GBP3: variants seen among roughly 807,000 people sequenced by gnomAD.
GBP3 encodes guanylate binding protein 3, also known as guanylate-binding protein 3.
Under a neutral mutation model 62.4 loss-of-function variants are expected in GBP3, and 55 were observed. The ratio of observed to expected loss-of-function variants is 0.88; its 90% CI spans 0.71 to 1.10. The LOEUF is 1.10. GBP3 is among the 50% of genes least tolerant of loss of function. The probability of loss-of-function intolerance (pLI) is 0.00; values close to 1 mark genes in which losing one functional copy is unlikely to be tolerated. For synonymous variants in GBP3, 208 were observed against 259.2 expected, an observed-to-expected ratio of 0.80 and a Z score of 1.90; for missense variants, 605 against 690.6, an observed-to-expected ratio of 0.88 and a Z score of 1.39.
chr1:89,014,394 A>C (rs748653620), intron 4 of GBP3, 115 bp from the exon 5 acceptor site: 2 of 1,594,704 alleles, frequency 1.3e-6, no homozygotes, highest in Non-Finnish European at 1.7e-6. Flanking sequence ...TGTCAATTCT[A>C]AAGTGGATAC....
Position 89,021,544 on chromosome 1 carries a change from A to ACACACACACACACACCCCC in GBP3, c.-22-802_-22-801insGGGGGTGTGTGTGTGTGTG, listed in dbSNP as rs761151308. On this transcript the variant is annotated intron_variant, in intron 1 of 10. Coordinates refer to ENST00000370481, the MANE Select transcript of GBP3 (RefSeq NM_018284.3). ...CACACACACACACACACACACACAC[A>ACACACACACACACACCCCC]CCCCAAAAAAACCAAACCAAACAAA... Among the ~76,000 whole-genome samples the ACACACACACACACACCCCC allele has an allele frequency of 2.1e-5, 3 of 141,052 alleles. No individual in the cohort carries two copies. In the East Asian group the frequency reaches 6.4e-4, roughly 30 times the overall value. 92.5% of individuals were successfully genotyped at this position (141,052 alleles called of 152,430 possible). A position where few individuals can be genotyped will look rare whatever the true frequency, so the allele number is the denominator to read the frequency against.
At chr1:89,008,474 A>C (rs1678361735) in intron 10 of GBP3, among the ~76,000 whole-genome samples, 1 of 147,326 alleles carries the variant, frequency 6.8e-6, no homozygotes, top group African/African-American at 2.5e-5. Flanking sequence ...TCTGCTCATA[A>C]AAGTTCTCTT....
chr1:89,007,294 A>T lies in GBP3; in HGVS notation c.*430T>A, dbSNP rs567752203. On this transcript the variant is annotated 3_prime_UTR_variant, in exon 11 of 11. Transcript: ENST00000370481. ...TCCATGGGCAATGTCCAGAAATCACATTATTGCTCATAGACCTTGTAGCCT... is the reference window on the plus strand; with the variant it reads ...TCCATGGGCAATGTCCAGAAATCACTTTATTGCTCATAGACCTTGTAGCCT... The T allele has an allele frequency of 6.5e-6, 1 of 153,784 alleles. No homozygotes were observed. Among genetic ancestry groups the T allele is most frequent in the Admixed American group, 6.5e-5 (1 of 15,468 alleles). 9.5% of individuals were successfully genotyped at this position (153,784 alleles called of 1,614,324 possible). A position where few individuals can be genotyped will look rare whatever the true frequency, so the allele number is the denominator to read the frequency against.
Position 89,011,281 on chromosome 1 carries a change from A to G in GBP3, c.1150-165T>C, listed in dbSNP as rs1463037749. Among the ~76,000 whole-genome samples the G allele has an allele frequency of 6.4e-5, 9 of 139,596 alleles. 1 individual carries two copies. In the Admixed American group the frequency reaches 6.6e-4, roughly 10 times the overall value. The allele number at this position is 139,596 out of a possible 152,430, so 91.6% of individuals were successfully genotyped here. A position where few individuals can be genotyped will look rare whatever the true frequency, so the allele number is the denominator to read the frequency against. The stretch of plus-strand genomic sequence containing the variant: ...TTACTCCTGACCCCACTTTCTACTG[A>G]AATCGCTTTCTCTTTAGAGGTGAGG... On this transcript the variant is annotated intron_variant, in intron 7 of 10. Coordinates refer to ENST00000370481, the MANE Select transcript of GBP3 (RefSeq NM_018284.3).
chr1:89,008,278 A>G (rs1370871974), intron 10 of GBP3, among the ~76,000 whole-genome samples: 1 of 151,620 alleles, frequency 6.6e-6, no homozygotes, highest in Admixed American at 6.6e-5. Context: ...TAGATCAGGA[A>G]ATTTGATCTA....
intron 6 of GBP3, 133 bp from the exon 7 acceptor site, chr1:89,012,160 T>C: frequency 2.2e-6 from 2 of 924,680 alleles, no homozygotes; most frequent in African/African-American, 1.6e-5. Flanking sequence ...GGAAGCTTGC[T>C]GGAAATGCCT....
intron 6 of GBP3, among the ~76,000 whole-genome samples, 187 bp downstream of exon 6, chr1:89,012,998 T>C (rs1678655614): frequency 9.3e-6 from 1 of 107,394 alleles, no homozygotes; most frequent in Non-Finnish European, 1.9e-5. Context: ...CCACCATGCC[T>C]CATTTATTTT....
rs766821518 is a variant in GBP3, at chr1:89,013,370, A to G, written c.683T>C (p.Phe228Ser). 3 of 1,614,162 alleles carry G rather than the reference A, an allele frequency of 1.9e-6. No homozygotes were observed. The highest frequency in any genetic ancestry group is 2.5e-6 in the Non-Finnish European group (3 of 1,179,998). ...GAAGACAAAACATTTTTTCTTTGGGAAGAACTTCCGGATACAGAGTCGGGG... is the reference window on the plus strand; with the variant it reads ...GAAGACAAAACATTTTTTCTTTGGGGAGAACTTCCGGATACAGAGTCGGGG... The part of the protein sequence containing the change: ...NLPRLCIRKF[F>S]PKKKCFVFDL... The change falls in exon 6 of 11, where the codon TTC becomes TCC. Residue 228 changes from phenylalanine (F) to serine (S), a missense_variant. By Grantham distance (155) the Phe-to-Ser change is radical. Transcript: ENST00000370481.
chr1:89,018,331 A>G (rs1678998961), intron 2 of GBP3, among the ~76,000 whole-genome samples: 1 of 152,192 alleles, frequency 6.6e-6, no homozygotes, highest in African/African-American at 2.4e-5. Flanking sequence ...GCAGATGTTC[A>G]TAGCTCTGGG....
intron 5 of GBP3, chr1:89,013,751 G>T: frequency 5.0e-6 from 2 of 399,358 alleles, no homozygotes; most frequent in Non-Finnish European, 8.9e-6. Context: ...TATTTTACAG[G>T]TAAATACAGA....
chr1:89,008,704 T>G, intron 10 of GBP3: 1 of 629,158 alleles, frequency 1.6e-6, no homozygotes, highest in East Asian at 3.0e-5. Flanking sequence ...GCCTAGCATA[T>G]GACAGCCGTA....
chr1:89,012,835 G>C (rs1052268875), intron 6 of GBP3, among the ~76,000 whole-genome samples: 1 of 136,946 alleles, frequency 7.3e-6, no homozygotes, highest in Admixed American at 7.6e-5. Flanking sequence ...ATACTAGGTG[G>C]AGTTATTCTA....
At chr1:89,009,319 A>C in intron 9 of GBP3, 73 bp downstream of exon 9, 1 of 1,511,396 alleles carries the variant, frequency 6.6e-7, no homozygotes, top group Non-Finnish European at 9.0e-7. Context: ...ATTATTTAAA[A>C]TTTTAAAATT....
intron 10 of GBP3, among the ~76,000 whole-genome samples, chr1:89,008,089 C>T (rs7550252): frequency 0.19 from 28,724 of 151,848 alleles, 3,328 homozygotes; most frequent in East Asian, 0.37. Flanking sequence ...GAAGGTCTTG[C>T]TTTTTTCCCC....
chr1:89,013,123 C>A, intron 6 of GBP3, 62 bp downstream of exon 6: 1 of 1,540,044 alleles, frequency 6.5e-7, no homozygotes, highest in South Asian at 1.2e-5. Flanking sequence ...CAGGCATGAA[C>A]CATCATGCCT....
At chr1:89,009,917 A>T (rs1190680523) in intron 8 of GBP3, among the ~76,000 whole-genome samples, 1 of 152,114 alleles carries the variant, frequency 6.6e-6, no homozygotes, top group Non-Finnish European at 1.5e-5. Flanking sequence ...CATTATTTGA[A>T]ATCTTGGATC....
At chr1:89,012,345 T>C (rs1301378943) in intron 6 of GBP3, among the ~76,000 whole-genome samples, 2 of 139,116 alleles carry the variant, frequency 1.4e-5, no homozygotes, top group African/African-American at 2.5e-5. Context: ...AAGGAACCCA[T>C]AGCTATTCCA....
rs752202527 is a variant in GBP3, at chr1:89,009,498, A to G, written c.1363-4T>C. ...ATGTCTGCAGAATCTCTTCAGCCTT[A>G]GGACCCAGAGAACACAGAGTGAGAA... is the stretch of plus-strand genomic sequence containing the variant. On this transcript the variant is annotated splice_polypyrimidine_tract_variant and splice_region_variant and intron_variant, in intron 8 of 10. Transcript: ENST00000370481. 24 of 1,613,796 alleles carry G rather than the reference A, an allele frequency of 1.5e-5. No individual in the cohort carries two copies. The highest frequency in any genetic ancestry group is 1.9e-5 in the Non-Finnish European group (23 of 1,179,866).
chr1:89,007,795 CA>C lies in GBP3; in HGVS notation c.1716del (p.Asn572LysfsTer10). On this transcript the variant is annotated frameshift_variant, in exon 11 of 11. Coordinates refer to ENST00000370481, the MANE Select transcript of GBP3 (RefSeq NM_018284.3). LOFTEE classifies it low-confidence loss of function (END_TRUNC). ...AGGGTCTTCTGTAGCTTTTGTATCT[CA>C]TTTTGAAGTTGGGTACTTTCACCTT... is the stretch of plus-strand genomic sequence containing the variant. ...RCQGESTQLQ[N>X]EIQKLQKTLK... is the part of the protein sequence containing the mutation. The C allele has an allele frequency of 6.2e-7, 1 of 1,613,246 alleles. No individual in the cohort carries two copies. The highest frequency in any genetic ancestry group is 8.5e-7 in the Non-Finnish European group (1 of 1,179,494).
Sources: allele counts gnomAD v4.1 joint callset (sites outside exome capture counted in the v4.1 genomes callset), GRCh38; gene constraint gnomAD v4.1.1; transcripts MANE v1.5; gene names NCBI Gene and HGNC (gene_info 2026-07-23, HGNC 2026-07-21).